The following KCNMA1 variants were observed in gnomAD, a reference collection of about 807,000 sequenced individuals.
The protein encoded by KCNMA1 is potassium calcium-activated channel subfamily M alpha 1, also known as Calcium-activated potassium channel subunit alpha-1.
In KCNMA1, 29 loss-of-function variants were observed where a neutral mutation model predicts 140.0. The observed-to-expected ratio is 0.21, with a 90% CI of 0.15 to 0.28. The LOEUF is 0.28. Ranked by LOEUF, KCNMA1 falls within the 10% of genes least tolerant of loss-of-function variation. The pLI is 1.00. For missense variants in KCNMA1, 880 were observed against 1,602.2 expected, an observed-to-expected ratio of 0.55 and a Z score of 7.70; for synonymous variants, 612 against 611.9, an observed-to-expected ratio of 1.00 and a Z score of 0.00.
At chr10:77,467,179 T>TA (rs1251609060) in intron 1 of KCNMA1, among the ~76,000 whole-genome samples, 1 of 152,132 alleles carries the variant, frequency 6.6e-6, no homozygotes, top group Non-Finnish European at 1.5e-5. Flanking sequence ...CACCAGTTTT[T>TA]AAAAAAACTC....
chr10:77,031,615 T>C (rs1594233446), intron 15 of KCNMA1, among the ~76,000 whole-genome samples: 1 of 152,240 alleles, frequency 6.6e-6, no homozygotes, highest in Non-Finnish European at 1.5e-5. Context: ...TTCTGTTAGA[T>C]CCTGCCACAG....
intron 2 of KCNMA1, among the ~76,000 whole-genome samples, chr10:77,349,994 G>T (rs562297928): frequency 6.6e-6 from 1 of 152,222 alleles, no homozygotes; most frequent in African/African-American, 2.4e-5. Flanking sequence ...TGCCTCCCAG[G>T]CTCAAGCGAT....
rs560687443 is a variant in KCNMA1, at chr10:77,298,001, T to A, written c.541-46745A>T. Among the ~76,000 whole-genome samples the A allele has an allele frequency of 6.6e-5, 10 of 152,268 alleles. No homozygotes were observed. The South Asian group carries it at 1.7e-3, about 25-fold the overall frequency. On this transcript the variant is annotated intron_variant, in intron 2 of 27. Coordinates refer to ENST00000286628, the MANE Select transcript of KCNMA1 (RefSeq NM_001161352.2). ...GTATCCATCCCTCAGGCATTTACTT[T>A]GCCTTTTCCTCACCAGTCAACTTCA...
chr10:77,264,195 G>A (rs1284166244), intron 2 of KCNMA1, among the ~76,000 whole-genome samples: 1 of 152,072 alleles, frequency 6.6e-6, no homozygotes, highest in Non-Finnish European at 1.5e-5. Context: ...TCCTACAATG[G>A]TCTCACCATT....
chr10:77,455,965 G>C (rs2097756856), intron 1 of KCNMA1, among the ~76,000 whole-genome samples: 1 of 152,202 alleles, frequency 6.6e-6, no homozygotes, highest in Non-Finnish European at 1.5e-5. Flanking sequence ...CAGGGCTTTT[G>C]TGTGGCTGAT....
chr10:77,583,657 G>C (rs1168555100), intron 1 of KCNMA1, among the ~76,000 whole-genome samples: 1 of 152,216 alleles, frequency 6.6e-6, no homozygotes. Context: ...GCAGGATTGA[G>C]CTTACTCCTG....
chr10:77,630,396 C>A (rs545332432), intron 1 of KCNMA1, among the ~76,000 whole-genome samples: 68 of 152,286 alleles, frequency 4.5e-4, no homozygotes, highest in Non-Finnish European at 7.6e-4. Flanking sequence ...ACAGACCACA[C>A]CCTGTAAACA....
intron 5 of KCNMA1, among the ~76,000 whole-genome samples, chr10:77,159,383 G>A (rs776307128): frequency 1.1e-4 from 16 of 152,084 alleles, no homozygotes; most frequent in Non-Finnish European, 1.9e-4. Flanking sequence ...TTAGATAGAT[G>A]TTCCCTCAGC....
intron 5 of KCNMA1, among the ~76,000 whole-genome samples, chr10:77,170,272 G>GCAGGCTTGGGCC (rs2154098127): frequency 6.6e-6 from 1 of 152,352 alleles, no homozygotes; most frequent in African/African-American, 2.4e-5. Context: ...ACTCTCATGA[G>GCAGGCTTGGGCC]CAGGCTTGGG....
rs981870645 is a variant in KCNMA1, at chr10:77,637,653, G to T, written c.-11C>A. ...GCCACCATTTGCCATAGCTAGCAAC[G>T]GGCAGCCGGCGCAGGGGCTCGGGGG... On this transcript the variant is annotated 5_prime_UTR_variant, in exon 1 of 28. Coordinates refer to ENST00000286628, the MANE Select transcript of KCNMA1 (RefSeq NM_001161352.2). The T allele has an allele frequency of 2.7e-6, 4 of 1,501,640 alleles. No individual in the cohort carries two copies. Among genetic ancestry groups the T allele is most frequent in the Non-Finnish European group, 2.6e-6 (3 of 1,132,188 alleles). The allele number at this position is 1,501,640 out of a possible 1,614,324, so 93.0% of individuals were successfully genotyped here. A position where few individuals can be genotyped will look rare whatever the true frequency, so the allele number is the denominator to read the frequency against.
intron 1 of KCNMA1, among the ~76,000 whole-genome samples, chr10:77,510,318 G>A (rs374906336): frequency 2.0e-5 from 3 of 151,990 alleles, no homozygotes; most frequent in African/African-American, 4.8e-5. Context: ...CTGGAATTGT[G>A]CATAGCTTCT....
Position 77,330,615 on chromosome 10 carries a change from G to A in KCNMA1, c.540+73247C>T, listed in dbSNP as rs190713489. Among the ~76,000 whole-genome samples the A allele has an allele frequency of 2.2e-3, 329 of 152,270 alleles. 3 individuals are homozygous for A. Among genetic ancestry groups the A allele is most frequent in the Non-Finnish European group, 2.0e-3 (137 of 68,032 alleles). ...TCTTAACATCCCTCCAAAGCAGGCG[G>A]TTAGTGATCTCCCGATTATACAGAA... is the stretch of plus-strand genomic sequence containing the variant. On this transcript the variant is annotated intron_variant, in intron 2 of 27. Transcript: ENST00000286628.
At chr10:77,473,207 G>C (rs11813473) in intron 1 of KCNMA1, among the ~76,000 whole-genome samples, 27,968 of 152,144 alleles carry the variant, frequency 0.18, 2,623 homozygotes, top group Middle Eastern at 0.24. Flanking sequence ...CTCAACCAAA[G>C]GCCAGTTGAC....
At chr10:76,973,797 G>A (rs771546347) in intron 19 of KCNMA1, among the ~76,000 whole-genome samples, 61 of 151,886 alleles carry the variant, frequency 4.0e-4, no homozygotes, top group South Asian at 8.3e-4. Flanking sequence ...TATCAGCCGC[G>A]CCAGACTGCA....
chr10:77,141,960 T>G (rs780989491), intron 5 of KCNMA1, among the ~76,000 whole-genome samples: 6 of 152,244 alleles, frequency 3.9e-5, no homozygotes, highest in Non-Finnish European at 5.9e-5. Flanking sequence ...GGGTATTTGC[T>G]GATTAACAGG....
intron 5 of KCNMA1, among the ~76,000 whole-genome samples, chr10:77,155,793 C>G (rs567707376): frequency 6.6e-6 from 1 of 152,072 alleles, no homozygotes; most frequent in Non-Finnish European, 1.5e-5. Context: ...AAAGCTATAG[C>G]CTCAGAAGAG....
chr10:76,938,184 G>A (rs1269648118), intron 23 of KCNMA1, among the ~76,000 whole-genome samples: 2 of 152,100 alleles, frequency 1.3e-5, no homozygotes, highest in Non-Finnish European at 2.9e-5. Context: ...TGAGCAATGG[G>A]CCAGATTGCT....
chr10:76,975,875 T>C (rs930979839), intron 19 of KCNMA1, among the ~76,000 whole-genome samples: 1 of 152,206 alleles, frequency 6.6e-6, no homozygotes, highest in Non-Finnish European at 1.5e-5. Context: ...AGTGGTGTTA[T>C]CTTAGTTCAC....
Position 77,527,779 on chromosome 10 carries a change from C to T in KCNMA1, c.378+109486G>A, listed in dbSNP as rs536778642. Among the ~76,000 whole-genome samples the T allele has an allele frequency of 1.4e-4, 22 of 152,200 alleles. 1 individual carries two copies. The South Asian group carries it at 3.7e-3, about 26-fold the overall frequency. ...GAAGGAGTGCAGAGGGGAGGCAAGG[C>T]AAGGAAAGAACACAGGGTGGAGGGT... On this transcript the variant is annotated intron_variant, in intron 1 of 27. Coordinates refer to ENST00000286628, the MANE Select transcript of KCNMA1 (RefSeq NM_001161352.2).
Sources: gnomAD v4.1 joint callset for allele counts (sites outside exome capture counted in the v4.1 genomes callset) on GRCh38, gnomAD v4.1.1 for gene constraint, MANE v1.5 for transcripts, NCBI Gene and HGNC (gene_info 2026-07-23, HGNC 2026-07-21) for gene names.